The following ANKFN1 variants were observed in gnomAD, a reference collection of about 807,000 sequenced individuals.
ANKFN1 encodes ankyrin repeat and fibronectin type-III domain-containing protein 1.
ANKFN1 carries 74 observed loss-of-function variants against 108.7 expected under a neutral mutation model. The observed-to-expected ratio is 0.68, with a 90% CI of 0.56 to 0.83. ANKFN1 has a LOEUF of 0.83. ANKFN1 is among the 40% of genes least tolerant of loss of function. The pLI, the probability that ANKFN1 is intolerant of heterozygous loss-of-function variation, is 0.00. For missense variants in ANKFN1, 1,505 were observed against 1,382.3 expected (o/e 1.09, Z -1.41); for synonymous variants, 547 against 516.2 (o/e 1.06, Z -0.81).
intron 4 of ANKFN1, among the ~76,000 whole-genome samples, chr17:56,336,361 G>A (rs1444412673): frequency 1.3e-5 from 2 of 152,108 alleles, no homozygotes; most frequent in African/African-American, 2.4e-5. Flanking sequence ...ACTCTTTTTG[G>A]TTGGTAGGCT....
At chr17:56,168,191 C>G (rs373812584) in intron 1 of ANKFN1, among the ~76,000 whole-genome samples, 84 of 149,720 alleles carry the variant, frequency 5.6e-4, no homozygotes, top group African/African-American at 2.0e-3. Context: ...TGCTTGAACC[C>G]GTGAAGCAGA....
In ANKFN1 at chr17:56,413,823, G is replaced by A. The variant is rs144495069; in HGVS notation, c.911-26504G>A. 4.0e-3 allele frequency among the ~76,000 whole-genome samples: 603 copies of A among 152,028 alleles called. 1 individual carries two copies. Among genetic ancestry groups the A allele is most frequent in the Middle Eastern group, 0.017 (5 of 294 alleles). On this transcript the variant is annotated intron_variant, in intron 8 of 20. Transcript: ENST00000682825. ...TAACCTCTGCCTCCCGGGTTCAAGC[G>A]ATTCTCCTTCCTCAGCCTCCCAAGT...
chr17:56,165,088 A>AG (rs1910024974), intron 1 of ANKFN1, among the ~76,000 whole-genome samples: 1 of 152,196 alleles, frequency 6.6e-6, no homozygotes, highest in Admixed American at 6.5e-5. Context: ...ATGAACTTTA[A>AG]GCTCTGTGTC....
chr17:56,055,570 T>TATATATATATATATAC (rs1904856910), intron 4 of ANKFN1, among the ~76,000 whole-genome samples: 1 of 100,114 alleles, frequency 1.0e-5, no homozygotes, highest in Admixed American at 9.2e-5. Flanking sequence ...TATATACATA[T>TATATATATATATATAC]ATATATATAT....
At chr17:56,206,030 AG>A (rs1914502302) in intron 1 of ANKFN1, among the ~76,000 whole-genome samples, 1 of 152,192 alleles carries the variant, frequency 6.6e-6, no homozygotes, top group Non-Finnish European at 1.5e-5. Context: ...TGAGAAATAA[AG>A]ATCCTCATGA....
At chr17:56,079,913 G>C (rs945807701) in intron 4 of ANKFN1, among the ~76,000 whole-genome samples, 9 of 151,992 alleles carry the variant, frequency 5.9e-5, no homozygotes, top group Admixed American at 3.3e-4. Flanking sequence ...AAGAGGGCAG[G>C]GTAATCTATT....
intron 3 of ANKFN1, among the ~76,000 whole-genome samples, chr17:56,250,246 C>A (rs1172813057): frequency 6.6e-6 from 1 of 152,170 alleles, no homozygotes; most frequent in African/African-American, 2.4e-5. Context: ...TCCATGGACC[C>A]TCCTCTCGTA....
At chr17:56,271,597 G>A (rs1401717510) in intron 3 of ANKFN1, among the ~76,000 whole-genome samples, 1 of 152,186 alleles carries the variant, frequency 6.6e-6, no homozygotes, top group Non-Finnish European at 1.5e-5. Flanking sequence ...TCGATGCATT[G>A]CTCTCAAGTA....
At position 56,351,268 on chromosome 17, in the gene ANKFN1, C is replaced by G. The variant is rs117437749; in HGVS notation, c.390+301C>G. 7.8e-3 allele frequency among the ~76,000 whole-genome samples: 1,183 copies of G among 151,628 alleles called. 6 individuals are homozygous for G. The highest frequency in any genetic ancestry group is 0.012 in the Non-Finnish European group (785 of 67,934). ...AAAAGCAGCTTGACAACTATGAAGT[C>G]TCAGGTTAAATGGGCTTTCTGAGAG... is the stretch of plus-strand genomic sequence containing the variant. On this transcript the variant is annotated intron_variant, in intron 5 of 20. Coordinates refer to ENST00000682825, the MANE Select transcript of ANKFN1 (RefSeq NM_001370326.1).
At chr17:56,270,371 C>A (rs4470208) in intron 3 of ANKFN1, among the ~76,000 whole-genome samples, 1 of 152,228 alleles carries the variant, frequency 6.6e-6, no homozygotes, top group Admixed American at 6.5e-5. Context: ...AAAGGGTTTT[C>A]TCTGTCCTGC....
At chr17:56,335,991 G>C (rs1048020050) in intron 4 of ANKFN1, among the ~76,000 whole-genome samples, 1 of 152,192 alleles carries the variant, frequency 6.6e-6, no homozygotes, top group Non-Finnish European at 1.5e-5. Flanking sequence ...TTTTGTCGTT[G>C]GTTCTGTTTA....
intron 4 of ANKFN1, among the ~76,000 whole-genome samples, chr17:56,122,992 C>T (rs1171007112): frequency 6.6e-6 from 1 of 152,106 alleles, no homozygotes; most frequent in Non-Finnish European, 1.5e-5. Context: ...TAAGGTGAGC[C>T]TAATATTAAT....
chr17:56,350,055 A>G (rs1243814573), intron 4 of ANKFN1, among the ~76,000 whole-genome samples: 2 of 152,186 alleles, frequency 1.3e-5, no homozygotes. Context: ...CAGTTGTGAC[A>G]TTGGTGAGGA....
chr17:56,196,096 A>G (rs990277612), intron 1 of ANKFN1, among the ~76,000 whole-genome samples: 7 of 152,074 alleles, frequency 4.6e-5, no homozygotes, highest in African/African-American at 1.7e-4. Flanking sequence ...GCAAAACCAC[A>G]TCTCTGCAAA....
upstream of ANKFN1, among the ~76,000 whole-genome samples, chr17:56,151,680 T>G (rs577784482): frequency 3.9e-5 from 6 of 152,302 alleles, no homozygotes; most frequent in East Asian, 1.2e-3. Flanking sequence ...ATAGCCACAA[T>G]CTGACCAACA....
At chr17:56,286,329 A>G (rs1215992003) in intron 3 of ANKFN1, among the ~76,000 whole-genome samples, 2 of 152,220 alleles carry the variant, frequency 1.3e-5, no homozygotes, top group Non-Finnish European at 2.9e-5. Flanking sequence ...ATTTAAAACA[A>G]CAATAGTCAT....
At chr17:56,406,672 G>A (rs184757123) in intron 8 of ANKFN1, among the ~76,000 whole-genome samples, 2 of 152,266 alleles carry the variant, frequency 1.3e-5, no homozygotes, top group Admixed American at 1.3e-4. Context: ...TCCAGGATTA[G>A]GTCAGGTCAA....
At chr17:56,079,891 T>C (rs1346791448) in intron 4 of ANKFN1, among the ~76,000 whole-genome samples, 1 of 152,076 alleles carries the variant, frequency 6.6e-6, no homozygotes, top group African/African-American at 2.4e-5. Context: ...CTCAATAGGC[T>C]AAAAGACACA....
At chr17:56,300,359 C>T (rs2044638073) in intron 3 of ANKFN1, among the ~76,000 whole-genome samples, 1 of 152,160 alleles carries the variant, frequency 6.6e-6, no homozygotes, top group Admixed American at 6.5e-5. Flanking sequence ...AGTTATTTCT[C>T]AGGAGTTGGG....
Sources: allele counts gnomAD v4.1 joint callset (sites outside exome capture counted in the v4.1 genomes callset), GRCh38; gene constraint gnomAD v4.1.1; transcripts MANE v1.5; gene names NCBI Gene and HGNC (gene_info 2026-07-23, HGNC 2026-07-21).